The following CTNNA3 variants were observed in gnomAD, a reference collection of about 807,000 sequenced individuals.
The protein encoded by CTNNA3 is catenin alpha 3.
In CTNNA3, 76 loss-of-function variants were observed where a neutral mutation model predicts 95.7. The observed-to-expected ratio is 0.79, with a 90% confidence interval of 0.66 to 0.96. The LOEUF (loss-of-function observed/expected upper bound fraction) is 0.96. Ranked by LOEUF, CTNNA3 falls within the 40% of genes least tolerant of loss-of-function variation. The pLI, the probability that CTNNA3 is intolerant of heterozygous loss-of-function variation, is 0.00. For missense variants in CTNNA3, 1,191 were observed against 1,089.8 expected, an observed-to-expected ratio of 1.09 and a Z score of -1.31; for synonymous variants, 431 against 374.4, an observed-to-expected ratio of 1.15 and a Z score of -1.74.
chr10:67,071,851 A>G (rs1856486776), intron 7 of CTNNA3, among the ~76,000 whole-genome samples: 1 of 152,146 alleles, frequency 6.6e-6, no homozygotes, highest in Non-Finnish European at 1.5e-5. Context: ...AACTTGTATT[A>G]TACTGTGCCC....
At chr10:66,894,701 A>T (rs1845405060) in intron 7 of CTNNA3, among the ~76,000 whole-genome samples, 1 of 152,030 alleles carries the variant, frequency 6.6e-6, no homozygotes, top group African/African-American at 2.4e-5. Flanking sequence ...TTGCAATTAT[A>T]TTTCTGATAA....
At chr10:67,485,525 A>G (rs1193002078) in intron 5 of CTNNA3, among the ~76,000 whole-genome samples, 1 of 152,176 alleles carries the variant, frequency 6.6e-6, no homozygotes, top group Non-Finnish European at 1.5e-5. Context: ...AAAGAAAGAT[A>G]AAAACCTCCC....
rs373327320 is a variant in CTNNA3 at position 67,310,637 on chromosome 10, A to G, written c.580-90767T>C. Reference sequence around the variant, plus strand: ...CTGGGAAGGCCTCAGGAAACTTACAATCATGGCAGAAGGCAAAGCAAACAC... The same window carrying G: ...CTGGGAAGGCCTCAGGAAACTTACAGTCATGGCAGAAGGCAAAGCAAACAC... On this transcript the variant is annotated intron_variant, in intron 5 of 17. Coordinates refer to ENST00000433211, the MANE Select transcript of CTNNA3 (RefSeq NM_013266.4). Among the ~76,000 whole-genome samples the G allele has an allele frequency of 8.9e-4, 135 of 152,324 alleles. 1 individual carries two copies. The highest frequency in any genetic ancestry group is 6.8e-3 in the Middle Eastern group (2 of 294).
At chr10:65,925,007 A>G (rs143673166) in intron 17 of CTNNA3, among the ~76,000 whole-genome samples, 101 of 152,304 alleles carry the variant, frequency 6.6e-4, no homozygotes, top group African/African-American at 2.4e-3. Context: ...GGTCCCTCCC[A>G]TGACACATGG....
At chr10:66,289,552 G>A (rs1344800949) in intron 12 of CTNNA3, among the ~76,000 whole-genome samples, 1 of 151,756 alleles carries the variant, frequency 6.6e-6, no homozygotes, top group Non-Finnish European at 1.5e-5. Flanking sequence ...CTTTTTGGCT[G>A]TGAGAGTTTG....
intron 7 of CTNNA3, among the ~76,000 whole-genome samples, chr10:66,789,196 T>G (rs911200750): frequency 6.6e-6 from 1 of 152,144 alleles, no homozygotes; most frequent in Non-Finnish European, 1.5e-5. Flanking sequence ...TGTTGTTGTT[T>G]TTTAAGTCTC....
chr10:66,046,134 A>G (rs1393752073), intron 15 of CTNNA3, among the ~76,000 whole-genome samples: 1 of 152,118 alleles, frequency 6.6e-6, no homozygotes, highest in Non-Finnish European at 1.5e-5. Flanking sequence ...GCAAGACAGG[A>G]CAACTGCCCA....
At chr10:66,306,609 T>C (rs979467381) in intron 12 of CTNNA3, among the ~76,000 whole-genome samples, 2 of 152,198 alleles carry the variant, frequency 1.3e-5, no homozygotes, top group South Asian at 2.1e-4. Context: ...AACTGTATGA[T>C]TTCATACTGG....
chr10:67,567,146 A>T (rs1224748833), intron 3 of CTNNA3, among the ~76,000 whole-genome samples: 2 of 151,954 alleles, frequency 1.3e-5, no homozygotes, highest in East Asian at 3.9e-4. Context: ...TGTTGTGCAC[A>T]TGTACCCTAA....
At chr10:65,992,193 T>C (rs1241175778) in intron 15 of CTNNA3, among the ~76,000 whole-genome samples, 1 of 152,088 alleles carries the variant, frequency 6.6e-6, no homozygotes, top group Non-Finnish European at 1.5e-5. Flanking sequence ...ATCATGGATA[T>C]TGACCTGTAG....
intron 3 of CTNNA3, among the ~76,000 whole-genome samples, chr10:67,585,024 C>T (rs945102293): frequency 1.2e-4 from 19 of 152,210 alleles, no homozygotes; most frequent in Admixed American, 8.5e-4. Context: ...CTGGGTTAGG[C>T]GATGCCCCGC....
chr10:66,606,112 G>C (rs2132271504), intron 10 of CTNNA3, among the ~76,000 whole-genome samples: 1 of 152,186 alleles, frequency 6.6e-6, no homozygotes, highest in African/African-American at 2.4e-5. Flanking sequence ...ACAGAAAAAA[G>C]GGAGGTTGCA....
At chr10:66,758,834 C>A (rs1839481566) in intron 9 of CTNNA3, among the ~76,000 whole-genome samples, 1 of 152,066 alleles carries the variant, frequency 6.6e-6, no homozygotes, top group Admixed American at 6.6e-5. Context: ...ACTTGGGAGA[C>A]TGAGGCAGGA....
At chr10:66,578,324 ATTACTTTGG>A (rs1843070861) in intron 10 of CTNNA3, among the ~76,000 whole-genome samples, 1 of 151,812 alleles carries the variant, frequency 6.6e-6, no homozygotes, top group Non-Finnish European at 1.5e-5. Context: ...GTCTTACCTG[ATTACTTTGG>A]CTAGGATCTC....
Position 67,719,297 on chromosome 10 carries a change from C to G in CTNNA3, c.-2+44137G>C, listed in dbSNP as rs140209463. Among the ~76,000 whole-genome samples the G allele has an allele frequency of 9.5e-3, 1,407 of 148,322 alleles. 23 individuals carry two copies. Among genetic ancestry groups the G allele is most frequent in the African/African-American group, 0.033 (1,349 of 40,532 alleles). ...GGAAGGGTTTTTTGTGTCTCTATCT[C>G]CTTCAGTTCTTCTCTGATCTTAGTT... On this transcript the variant is annotated intron_variant, in intron 1 of 17. Transcript: ENST00000684154.
At chr10:66,733,364 T>C (rs1417912346) in intron 9 of CTNNA3, among the ~76,000 whole-genome samples, 1 of 152,026 alleles carries the variant, frequency 6.6e-6, no homozygotes, top group African/African-American at 2.4e-5. Context: ...GGAAGCATAT[T>C]CCTTAATTTA....
chr10:66,935,707 A>G (rs574454890), intron 7 of CTNNA3, among the ~76,000 whole-genome samples: 10 of 152,090 alleles, frequency 6.6e-5, no homozygotes, highest in African/African-American at 1.7e-4. Context: ...TTGAGTCCTT[A>G]TTATGTACCA....
intron 17 of CTNNA3, among the ~76,000 whole-genome samples, chr10:65,950,144 G>A (rs1181421819): frequency 4.0e-5 from 6 of 150,800 alleles, no homozygotes; most frequent in African/African-American, 9.7e-5. Flanking sequence ...GAATTTCATT[G>A]ATTTTGCTAG....
chr10:66,566,822 G>A (rs1190854221), intron 10 of CTNNA3, among the ~76,000 whole-genome samples: 2 of 151,594 alleles, frequency 1.3e-5, no homozygotes, highest in African/African-American at 4.9e-5. Context: ...CACTGAATGT[G>A]GATATTAGCA....
Sources: gnomAD v4.1 joint callset for allele counts (sites outside exome capture counted in the v4.1 genomes callset) on GRCh38, gnomAD v4.1.1 for gene constraint, MANE v1.5 for transcripts, NCBI Gene and HGNC (gene_info 2026-07-23, HGNC 2026-07-21) for gene names.